Variants in MAGI1 observed in about 807,000 individuals in gnomAD.
MAGI1 encodes the protein membrane-associated guanylate kinase, WW and PDZ domain-containing protein 1.
A neutral mutation model predicts 139.9 loss-of-function variants in MAGI1; 58 were observed. That is an observed-to-expected ratio of 0.41 (90% CI 0.34 to 0.52). The LOEUF (loss-of-function observed/expected upper bound fraction) is 0.52, where lower values mean the gene tolerates loss of function less well. Among genes scored for constraint, MAGI1 ranks in the 20% least tolerant of loss-of-function variants. The pLI, the probability that MAGI1 is intolerant of heterozygous loss-of-function variation, is 0.12. For synonymous variants in MAGI1, 812 were observed against 737.9 expected (o/e 1.10, Z -1.63); for missense variants, 1,874 against 1,901.6 (o/e 0.99, Z 0.27).
chr3:65,675,887 GC>G (rs2087159655), intron 1 of MAGI1, among the ~76,000 whole-genome samples: 1 of 152,202 alleles, frequency 6.6e-6, no homozygotes, highest in Admixed American at 6.5e-5. Context: ...ACTGAGAAAT[GC>G]TAGAGCACAA....
In MAGI1 at chr3:65,373,078, G is replaced by C. The variant is rs114305414; in HGVS notation, c.3196+2667C>G. 9.5e-3 allele frequency among the ~76,000 whole-genome samples: 1,453 copies of C among 152,248 alleles called. 29 individuals are homozygous for C. Among genetic ancestry groups the C allele is most frequent in the African/African-American group, 0.033 (1,360 of 41,528 alleles). ...CATTCACAACTTGGATAAATGTTTA[G>C]CATGAGGGATCTAGCTTTTGGCCTA... On this transcript the variant is annotated intron_variant, in intron 18 of 22. Coordinates refer to ENST00000402939, the MANE Select transcript of MAGI1 (RefSeq NM_001033057.2).
chr3:65,549,539 C>CA (rs2107957992), intron 2 of MAGI1: 2 of 943,358 alleles, frequency 2.1e-6, no homozygotes, highest in Middle Eastern at 5.4e-4. Context: ...ATGGGGCTCG[C>CA]AGGCAGTAGG....
chr3:65,437,728 T>C (rs1402422027), intron 9 of MAGI1, among the ~76,000 whole-genome samples: 1 of 152,156 alleles, frequency 6.6e-6, no homozygotes, highest in Admixed American at 6.5e-5. Flanking sequence ...GTCCTAATTG[T>C]AGTCTTATTC....
chr3:65,889,805 G>A (rs562871791), intron 1 of MAGI1, among the ~76,000 whole-genome samples: 2 of 152,120 alleles, frequency 1.3e-5, no homozygotes, highest in East Asian at 3.9e-4. Context: ...GCTTCCTGGA[G>A]GGGGAGCCAC....
At chr3:65,937,044 TCTC>T (rs2063098636) in intron 1 of MAGI1, among the ~76,000 whole-genome samples, 1 of 151,754 alleles carries the variant, frequency 6.6e-6, no homozygotes. Context: ...ACAGACAGTA[TCTC>T]CTCCTGATGA....
intron 2 of MAGI1, among the ~76,000 whole-genome samples, chr3:65,565,319 A>G (rs1288864913): frequency 1.3e-5 from 2 of 152,214 alleles, no homozygotes; most frequent in African/African-American, 4.8e-5. Context: ...ATGTTAATCC[A>G]CAATATATAG....
rs558270441 is a variant in MAGI1 at position 65,849,001 on chromosome 3, C to CTTTTTTTTTTT, written c.313+188984_313+188994dup. Among the ~76,000 whole-genome samples, 17 of 39,644 alleles carry CTTTTTTTTTTT rather than the reference C, an allele frequency of 4.3e-4. 2 individuals are homozygous for CTTTTTTTTTTT. The highest frequency in any genetic ancestry group is 1.1e-3 in the East Asian group (1 of 884). The allele number at this position is 39,644 out of a possible 152,430, so 26.0% of individuals were successfully genotyped here. On this transcript the variant is annotated intron_variant, in intron 1 of 22. Coordinates refer to ENST00000402939, the MANE Select transcript of MAGI1 (RefSeq NM_001033057.2). ...GCAGCTCAAGACTATTCAGAGCATT[C>CTTTTTTTTTTT]TTTTTTTTTTTTTTTTTTTTTTTTT...
Position 65,582,905 on chromosome 3 carries a change from C to T in MAGI1, c.430+39067G>A, listed in dbSNP as rs569235913. Among the ~76,000 whole-genome samples, 100 of 152,270 alleles carry T rather than the reference C, an allele frequency of 6.6e-4. 1 individual carries two copies. Among genetic ancestry groups the T allele is most frequent in the African/African-American group, 2.2e-3 (93 of 41,560 alleles). ...AGAATTACAGGTATCATTGTCACAC[C>T]AGTCCATCAGCACTGTGCAACACAG... is the stretch of plus-strand genomic sequence containing the variant. On this transcript the variant is annotated intron_variant, in intron 2 of 22. Coordinates refer to ENST00000402939, the MANE Select transcript of MAGI1 (RefSeq NM_001033057.2).
intron 16 of MAGI1, 86 bp downstream of exon 16, chr3:65,381,791 C>T (rs534103519): frequency 1.3e-5 from 16 of 1,248,714 alleles, no homozygotes; most frequent in South Asian, 1.1e-4. Flanking sequence ...CTAAAATAGA[C>T]GCTCAAGGAG....
At chr3:65,812,969 G>A (rs947837996) in intron 1 of MAGI1, among the ~76,000 whole-genome samples, 3 of 150,280 alleles carry the variant, frequency 2.0e-5, no homozygotes, top group African/African-American at 2.5e-5. Context: ...CCTCAGCCTC[G>A]CAAAGTGCTG....
chr3:65,395,426 G>T (rs1484645430), intron 13 of MAGI1, among the ~76,000 whole-genome samples: 1 of 151,490 alleles, frequency 6.6e-6, no homozygotes, highest in African/African-American at 2.4e-5. Context: ...CAAATCCCTT[G>T]AGGTCAGGAG....
intron 1 of MAGI1, among the ~76,000 whole-genome samples, chr3:66,024,801 C>T (rs1022080035): frequency 1.3e-5 from 2 of 152,086 alleles, no homozygotes; most frequent in African/African-American, 2.4e-5. Context: ...AGTGAGACTC[C>T]GTTTCCAAAA....
chr3:65,383,174 C>T (rs904588534), intron 15 of MAGI1, among the ~76,000 whole-genome samples: 2 of 152,196 alleles, frequency 1.3e-5, no homozygotes, highest in Admixed American at 6.5e-5. Flanking sequence ...ACAAAGCCTA[C>T]TACCTGCTGG....
intron 2 of MAGI1, among the ~76,000 whole-genome samples, chr3:65,573,685 A>T (rs1456116401): frequency 6.6e-6 from 1 of 152,176 alleles, no homozygotes; most frequent in Non-Finnish European, 1.5e-5. Flanking sequence ...GAGAACAAGA[A>T]TATCTTCATT....
intron 2 of MAGI1, among the ~76,000 whole-genome samples, chr3:65,619,537 C>G (rs1011539919): frequency 9.9e-5 from 15 of 152,126 alleles, no homozygotes; most frequent in African/African-American, 3.4e-4. Flanking sequence ...GCAGGAAGTT[C>G]TGGAATATAC....
intron 2 of MAGI1, among the ~76,000 whole-genome samples, chr3:65,595,276 T>C (rs1189028612): frequency 1.3e-5 from 2 of 152,202 alleles, no homozygotes; most frequent in Non-Finnish European, 2.9e-5. Context: ...ATGGGCATAG[T>C]TTCTGTTCTT....
At chr3:65,849,959 C>G (rs1224339291) in intron 1 of MAGI1, among the ~76,000 whole-genome samples, 2 of 152,132 alleles carry the variant, frequency 1.3e-5, no homozygotes, top group African/African-American at 4.8e-5. Flanking sequence ...AAATTAGTCA[C>G]TTTACTAATT....
chr3:65,877,158 T>A (rs114288693), intron 1 of MAGI1, among the ~76,000 whole-genome samples: 1 of 152,176 alleles, frequency 6.6e-6, no homozygotes, highest in Non-Finnish European at 1.5e-5. Flanking sequence ...ATCAACATAC[T>A]CTGTGGTCCA....
At chr3:65,374,313 C>CTTTTT (rs3072933) in intron 18 of MAGI1, among the ~76,000 whole-genome samples, 33 of 95,048 alleles carry the variant, frequency 3.5e-4, no homozygotes, top group Non-Finnish European at 4.7e-4. Flanking sequence ...ATCAACTTAA[C>CTTTTT]TTTTTTTTTT....
Sources: gnomAD v4.1 joint callset for allele counts (sites outside exome capture counted in the v4.1 genomes callset) on GRCh38, gnomAD v4.1.1 for gene constraint, MANE v1.5 for transcripts, NCBI Gene and HGNC (gene_info 2026-07-23, HGNC 2026-07-21) for gene names.